Variants in FER observed in about 807,000 individuals in gnomAD.
FER encodes the protein tyrosine-protein kinase Fer.
In FER, 63 loss-of-function variants were observed where a neutral mutation model predicts 111.0. That is an observed-to-expected ratio of 0.57 (90% CI 0.46 to 0.70). The LOEUF is 0.70. Ranked by LOEUF, FER falls within the 30% of genes least tolerant of loss-of-function variation. FER has a pLI of 0.00. For synonymous variants in FER, 327 were observed against 313.9 expected, an observed-to-expected ratio of 1.04 and a Z score of -0.44; for missense variants, 914 against 954.0, an observed-to-expected ratio of 0.96 and a Z score of 0.55.
At chr5:108,894,902 C>A (rs932510393) in intron 9 of FER, among the ~76,000 whole-genome samples, 1 of 152,114 alleles carries the variant, frequency 6.6e-6, no homozygotes, top group Non-Finnish European at 1.5e-5. Context: ...CCCAACAGGT[C>A]CCTCTCATGA....
At chr5:109,027,432 G>A (rs1471906379) in intron 13 of FER, among the ~76,000 whole-genome samples, 2 of 152,154 alleles carry the variant, frequency 1.3e-5, no homozygotes, top group Admixed American at 6.5e-5. Flanking sequence ...AGATATATAG[G>A]AATAGAATAA....
chr5:108,886,605 A>G (rs1028203722), intron 9 of FER, among the ~76,000 whole-genome samples: 5 of 151,654 alleles, frequency 3.3e-5, no homozygotes, highest in South Asian at 2.1e-4. Context: ...TAGAAAAGAC[A>G]TGAGTTGTTG....
intron 2 of FER, chr5:108,785,261 G>T: frequency 1.8e-6 from 1 of 560,268 alleles, no homozygotes; most frequent in East Asian, 4.0e-5. Flanking sequence ...CATGCTGTGG[G>T]ATCTCAACGA....
chr5:109,082,857 CT>C (rs1275102496), intron 16 of FER, among the ~76,000 whole-genome samples: 1 of 151,936 alleles, frequency 6.6e-6, no homozygotes, highest in African/African-American at 2.4e-5. Context: ...GAGAAATCAT[CT>C]TTTTATTATT....
At chr5:109,185,162 G>C (rs115079579) in intron 18 of FER, among the ~76,000 whole-genome samples, 1 of 152,116 alleles carries the variant, frequency 6.6e-6, no homozygotes, top group Non-Finnish European at 1.5e-5. Flanking sequence ...AGACAACCTT[G>C]TGCTGGTTTG....
At chr5:109,099,389 TATTG>T (rs1417831089) in intron 16 of FER, among the ~76,000 whole-genome samples, 2 of 151,544 alleles carry the variant, frequency 1.3e-5, no homozygotes, top group East Asian at 3.9e-4. Context: ...AAAATACTGA[TATTG>T]ATTCAGTAAT....
intron 10 of FER, among the ~76,000 whole-genome samples, chr5:108,907,256 C>G (rs961115192): frequency 2.0e-5 from 3 of 151,924 alleles, no homozygotes; most frequent in South Asian, 2.1e-4. Context: ...CCTCCCTCCT[C>G]TGCCTTCTCA....
intron 17 of FER, among the ~76,000 whole-genome samples, chr5:109,166,523 G>T (rs867573899): frequency 5.5e-4 from 83 of 152,212 alleles, no homozygotes; most frequent in African/African-American, 1.8e-3. Flanking sequence ...TCAATCTGTT[G>T]TCCCAGTTAT....
chr5:108,856,552 A>G lies in FER; in HGVS notation c.482-11215A>G, dbSNP rs1219057983. ...TAATGATGATCTCTACATTTTTGAT[A>G]CAGTCATATCCTAACATGATGACTA... On this transcript the variant is annotated intron_variant, in intron 5 of 19. Transcript: ENST00000281092. Among the ~76,000 whole-genome samples, 3 of 152,152 alleles carry G rather than the reference A, an allele frequency of 2.0e-5. 1 individual carries two copies. Among genetic ancestry groups the G allele is most frequent in the Admixed American group, 2.0e-4 (3 of 15,282 alleles).
In FER at chr5:108,858,516, T is replaced by A. The variant is rs559069431; in HGVS notation, c.482-9251T>A. The stretch of plus-strand genomic sequence containing the variant: ...CTGGAAATACAGTTTGGTTCATTTG[T>A]TTCTGTTGTATCTCATTTTATTTTC... On this transcript the variant is annotated intron_variant, in intron 5 of 19. Transcript: ENST00000281092. Among the ~76,000 whole-genome samples the A allele has an allele frequency of 7.2e-5, 11 of 152,302 alleles. No homozygotes were observed. In the South Asian group the frequency reaches 2.3e-3, roughly 32 times the overall value.
chr5:109,035,357 T>C (rs1279062142), intron 13 of FER, among the ~76,000 whole-genome samples: 1 of 152,202 alleles, frequency 6.6e-6, no homozygotes, highest in Non-Finnish European at 1.5e-5. Flanking sequence ...TTATAGATTG[T>C]CCTTCTCTAG....
chr5:109,177,918 C>CT (rs1757882931), intron 17 of FER, among the ~76,000 whole-genome samples: 1 of 152,178 alleles, frequency 6.6e-6, no homozygotes, highest in African/African-American at 2.4e-5. Flanking sequence ...GTCTATAACA[C>CT]ACAGGTTCAC....
chr5:109,073,506 C>T (rs1775995385), intron 16 of FER, among the ~76,000 whole-genome samples: 1 of 152,044 alleles, frequency 6.6e-6, no homozygotes, highest in Non-Finnish European at 1.5e-5. Flanking sequence ...GGTATCTGCA[C>T]CTTAGCATGT....
chr5:108,975,377 A>T (rs1280194815), intron 13 of FER, among the ~76,000 whole-genome samples: 1 of 152,174 alleles, frequency 6.6e-6, no homozygotes, highest in Non-Finnish European at 1.5e-5. Flanking sequence ...TGTAACAAAC[A>T]TGCATGTTCT....
At chr5:108,755,693 T>C (rs1315819650) in intron 1 of FER, among the ~76,000 whole-genome samples, 3 of 151,406 alleles carry the variant, frequency 2.0e-5, no homozygotes, top group Non-Finnish European at 4.4e-5. Flanking sequence ...ACCATGTTAG[T>C]CAGGCTTGTC....
intron 17 of FER, among the ~76,000 whole-genome samples, chr5:109,102,617 T>G (rs1365686200): frequency 6.6e-6 from 1 of 152,194 alleles, no homozygotes; most frequent in Non-Finnish European, 1.5e-5. Context: ...TGACTTTTCC[T>G]TACTAGCAAC....
chr5:108,970,441 T>G (rs1327249040), intron 13 of FER, among the ~76,000 whole-genome samples: 1 of 151,948 alleles, frequency 6.6e-6, no homozygotes, highest in Non-Finnish European at 1.5e-5. Flanking sequence ...AGCATGGTCT[T>G]GATCTCCTGA....
chr5:108,865,243 G>A (rs1259341140), intron 5 of FER, among the ~76,000 whole-genome samples: 2 of 152,152 alleles, frequency 1.3e-5, no homozygotes, highest in East Asian at 1.9e-4. Context: ...ATCAGCTTAA[G>A]GAGATTTTGG....
chr5:108,924,296 G>A (rs1263161387), intron 10 of FER, among the ~76,000 whole-genome samples: 1 of 148,388 alleles, frequency 6.7e-6, no homozygotes, highest in Non-Finnish European at 1.5e-5. Flanking sequence ...GGAAGCAGAG[G>A]TTGCAGAGAG....
Sources: allele counts gnomAD v4.1 joint callset (sites outside exome capture counted in the v4.1 genomes callset), GRCh38; gene constraint gnomAD v4.1.1; transcripts MANE v1.5; gene names NCBI Gene and HGNC (gene_info 2026-07-23, HGNC 2026-07-21).